DNAH5: variants seen among roughly 807,000 people sequenced by gnomAD.
DNAH5 encodes dynein axonemal heavy chain 5.
In DNAH5, 372 loss-of-function variants were observed where a neutral mutation model predicts 518.2. The ratio of observed to expected loss-of-function variants is 0.72; its 90% CI spans 0.66 to 0.78. The LOEUF is 0.78. DNAH5 is among the 30% of genes least tolerant of loss of function. DNAH5 has a pLI of 0.00. For synonymous variants in DNAH5, 2,039 were observed against 2,025.9 expected (o/e 1.01, Z -0.17); for missense variants, 5,523 against 5,687.0 (o/e 0.97, Z 0.93).
At chr5:13,791,220 G>A (rs139245379) in intron 50 of DNAH5, among the ~76,000 whole-genome samples, 43 of 152,192 alleles carry the variant, frequency 2.8e-4, no homozygotes, top group African/African-American at 1.0e-3. Flanking sequence ...TAATTTAACT[G>A]TCTCTGTGTG....
At chr5:13,860,620 T>C (rs1416047778) in intron 29 of DNAH5, 1 of 152,210 alleles carries the variant, frequency 6.6e-6, no homozygotes. Flanking sequence ...GAAAGACAGA[T>C]GAGTGAGCCA....
intron 32 of DNAH5, among the ~76,000 whole-genome samples, chr5:13,842,408 GAAAGA>G (rs1219240598): frequency 6.9e-4 from 61 of 88,824 alleles, no homozygotes; most frequent in African/African-American, 2.3e-3. Flanking sequence ...AACAGAGCGA[GAAAGA>G]AAAGAAAAGA....
chr5:13,697,598 C>A (rs1324043784), intron 78 of DNAH5, among the ~76,000 whole-genome samples: 1 of 152,164 alleles, frequency 6.6e-6, no homozygotes, highest in Non-Finnish European at 1.5e-5. Flanking sequence ...TTTAAACATT[C>A]TCCATAAATA....
chr5:14,003,265 G>C (rs1784486107), intron 1 of DNAH5, among the ~76,000 whole-genome samples: 1 of 152,132 alleles, frequency 6.6e-6, no homozygotes, highest in Non-Finnish European at 1.5e-5. Flanking sequence ...GTTTCCACTT[G>C]ATAATAAATA....
intron 9 of DNAH5, 132 bp from the exon 10 acceptor site, chr5:13,914,774 T>G: frequency 1.1e-6 from 1 of 886,406 alleles, no homozygotes; most frequent in Non-Finnish European, 1.7e-6. Context: ...TTATTTTTTT[T>G]CCATCACAGT....
At chr5:13,820,322 G>C in intron 41 of DNAH5, 24 bp downstream of exon 41, 1 of 1,604,528 alleles carries the variant, frequency 6.2e-7, no homozygotes, top group African/African-American at 1.3e-5. Flanking sequence ...GCCACCCCAG[G>C]CATTGACCTT....
intron 35 of DNAH5, among the ~76,000 whole-genome samples, chr5:13,834,560 T>C (rs1271828146): frequency 1.3e-5 from 2 of 152,164 alleles, no homozygotes; most frequent in Non-Finnish European, 2.9e-5. Flanking sequence ...ACAAATCACA[T>C]GAAGCCCACG....
At position 13,692,094 on chromosome 5, in the gene DNAH5, T is replaced by C. The variant is rs1397044941; in HGVS notation, c.13765A>G (p.Lys4589Glu). 5.0e-6 allele frequency: 8 copies of C among 1,613,986 alleles called. No individual in the cohort carries two copies. Among genetic ancestry groups the C allele is most frequent in the Non-Finnish European group, 6.8e-6 (8 of 1,179,954 alleles). Reference protein sequence around the residue: ...PRFYSCPIYKKPVRTDLNYIA... With the variant: ...PRFYSCPIYKEPVRTDLNYIA... The stretch of plus-strand genomic sequence containing the variant: ...TAGTTCAAGTCCGTTCGAACTGGCT[T>C]CTTATAGATGGGACAGGAGTAAAAC... The change falls in exon 79 of 79, where the codon AAG (lysine) becomes GAG (glutamate). Residue 4589 changes from lysine (K) to glutamate (E), a missense_variant. Physicochemically the swap from Lys to Glu is moderately conservative, Grantham distance 56 (BLOSUM62 1). Transcript: ENST00000265104.
intron 49 of DNAH5, 82 bp downstream of exon 49, chr5:13,793,433 G>C: frequency 2.6e-6 from 3 of 1,171,858 alleles, no homozygotes; most frequent in Middle Eastern, 4.1e-4. Flanking sequence ...TTTCTGTGTG[G>C]GTCTTGGGTG....
At position 13,824,285 on chromosome 5, in the gene DNAH5, A is replaced by G; in HGVS notation, c.6493T>C (p.Leu2165=). ...GGATTGGCTCTTTTTGCTGCTCCCA[A>G]GGTCCGAAGAACTGACAGAATGTTA... ...LRNILSVLRT[L]GAAKRANPMD... is the part of the protein sequence containing the mutation. The change falls in exon 39 of 79, where the codon TTG becomes CTG. Residue 2165 remains leucine (L), a synonymous_variant. Coordinates refer to ENST00000265104, the MANE Select transcript of DNAH5 (RefSeq NM_001369.3). The G allele has an allele frequency of 6.2e-7, 1 of 1,614,098 alleles. No homozygotes were observed.
At chr5:13,827,811 A>G (rs1006143) in intron 38 of DNAH5, among the ~76,000 whole-genome samples, 60,298 of 151,624 alleles carry the variant, frequency 0.4, 12,207 homozygotes, top group East Asian at 0.61. Flanking sequence ...TCATAGGGGC[A>G]GTTACCCTCA....
intron 1 of DNAH5, among the ~76,000 whole-genome samples, chr5:13,975,989 A>T (rs1782209096): frequency 6.6e-6 from 1 of 152,218 alleles, no homozygotes; most frequent in Non-Finnish European, 1.5e-5. Flanking sequence ...TAATCATGCC[A>T]CTGCACTCCA....
At chr5:13,718,683 C>T (rs1299718411) in intron 72 of DNAH5, among the ~76,000 whole-genome samples, 199 bp downstream of exon 72, 1 of 152,142 alleles carries the variant, frequency 6.6e-6, no homozygotes, top group African/African-American at 2.4e-5. Context: ...AAATAGGAAA[C>T]TAGAAGGTGG....
Position 13,829,523 on chromosome 5 carries a change from T to C in DNAH5, c.6431A>G (p.Gln2144Arg). 1 of 1,614,184 alleles carries C rather than the reference T, an allele frequency of 6.2e-7. No homozygotes were observed. Among genetic ancestry groups the C allele is most frequent in the Non-Finnish European group, 8.5e-7 (1 of 1,180,036 alleles). Reference protein sequence around the residue: ...FFTLYKLCEEQLSKQVHYDFG... With the variant: ...FFTLYKLCEERLSKQVHYDFG... ...AGGATGACACACCTGCTTAGAAAGC[T>C]GCTCCTCACACAGTTTGTAGAGCGT... Residue 2144 changes from glutamine (Q) to arginine (R), a missense_variant, in exon 38 of 79, where the codon CAG becomes CGG. Coordinates refer to ENST00000265104, the MANE Select transcript of DNAH5 (RefSeq NM_001369.3).
At chr5:13,719,309 A>G (rs1228552004) in intron 71 of DNAH5, among the ~76,000 whole-genome samples, 1 of 152,242 alleles carries the variant, frequency 6.6e-6, no homozygotes, top group African/African-American at 2.4e-5. Context: ...AGTATACACT[A>G]GTATGCAATT....
intron 5 of DNAH5, 70 bp downstream of exon 5, chr5:13,922,037 A>G: frequency 6.7e-7 from 1 of 1,502,710 alleles, no homozygotes. Flanking sequence ...TAAGAGAAGC[A>G]TTACACACTT....
intron 59 of DNAH5, among the ~76,000 whole-genome samples, chr5:13,763,455 T>C (rs1228832604): frequency 6.6e-6 from 1 of 152,218 alleles, no homozygotes; most frequent in African/African-American, 2.4e-5. Flanking sequence ...ATCATAGAAC[T>C]ATCAAGAATA....
At chr5:13,777,156 G>A (rs747267811) in intron 54 of DNAH5, 46 bp downstream of exon 54, 1 of 1,581,600 alleles carries the variant, frequency 6.3e-7, no homozygotes, top group Admixed American at 1.7e-5. Context: ...CTAAGCTGGA[G>A]GAAATCTGAA....
Position 13,722,855 on chromosome 5 carries a change from A to C in DNAH5, c.12034-1610T>G, listed in dbSNP as rs116097825. On this transcript the variant is annotated intron_variant, in intron 70 of 78. Coordinates refer to ENST00000265104, the MANE Select transcript of DNAH5 (RefSeq NM_001369.3). ...GAGGCATGCCAACTTTGTAGAATACACAGGATTTCTGCCTTGGCAACTATT... is the reference window on the plus strand; with the variant it reads ...GAGGCATGCCAACTTTGTAGAATACCCAGGATTTCTGCCTTGGCAACTATT... Among the ~76,000 whole-genome samples the C allele has an allele frequency of 7.0e-3, 1,065 of 152,314 alleles. 16 individuals are homozygous for C. The highest frequency in any genetic ancestry group is 0.024 in the African/African-American group (979 of 41,572).
Sources: allele counts gnomAD v4.1 joint callset (sites outside exome capture counted in the v4.1 genomes callset), GRCh38; gene constraint gnomAD v4.1.1; transcripts MANE v1.5; gene names NCBI Gene and HGNC (gene_info 2026-07-23, HGNC 2026-07-21).